LRRC69: variants seen among roughly 807,000 people sequenced by gnomAD.
The protein encoded by LRRC69 is leucine rich repeat containing 69, also known as leucine-rich repeat-containing protein 69.
Under a neutral mutation model 37.8 loss-of-function variants are expected in LRRC69, and 42 were observed. That is an observed-to-expected ratio of 1.11 (90% CI 0.87 to 1.44). LRRC69 has a LOEUF of 1.44. LRRC69 is among the 40% of genes most tolerant of loss of function. The pLI is 0.00. For synonymous variants in LRRC69, 141 were observed against 143.1 expected (o/e 0.99, Z 0.11); for missense variants, 357 against 401.9 (o/e 0.89, Z 0.96).
chr8:91,218,863 A>G, intron 7 of LRRC69, 27 bp from the exon 8 acceptor site: 1 of 1,435,000 alleles, frequency 7.0e-7, no homozygotes. Context: ...CACTGCCTAA[A>G]TTTTATTTTT....
At chr8:91,148,741 C>T (rs1808670772) in intron 5 of LRRC69, among the ~76,000 whole-genome samples, 1 of 151,978 alleles carries the variant, frequency 6.6e-6, no homozygotes, top group East Asian at 1.9e-4. Context: ...CTCTCCAGCA[C>T]CTGTTGTTTC....
At chr8:91,169,868 G>A (rs1461278563) in intron 5 of LRRC69, among the ~76,000 whole-genome samples, 4 of 130,778 alleles carry the variant, frequency 3.1e-5, no homozygotes, top group Admixed American at 7.6e-5. Context: ...CTTTTTTATG[G>A]CTGCATAGTA....
intron 5 of LRRC69, among the ~76,000 whole-genome samples, chr8:91,153,012 A>C (rs1586250183): frequency 6.6e-6 from 1 of 151,542 alleles, no homozygotes; most frequent in South Asian, 2.1e-4. Flanking sequence ...CATAGGCTCA[A>C]AATAAAGGGA....
At chr8:91,141,881 G>GA (rs1808538844) in intron 5 of LRRC69, among the ~76,000 whole-genome samples, 2 of 151,852 alleles carry the variant, frequency 1.3e-5, no homozygotes, top group African/African-American at 4.8e-5. Context: ...GATGGGGAAA[G>GA]AAAAAACATT....
chr8:91,131,739 C>G (rs893761339), intron 3 of LRRC69, among the ~76,000 whole-genome samples: 3 of 151,834 alleles, frequency 2.0e-5, no homozygotes, highest in Non-Finnish European at 4.4e-5. Flanking sequence ...GGCATTATTT[C>G]TACTAGTTTT....
At chr8:91,201,400 T>A (rs1809708988) in intron 7 of LRRC69, among the ~76,000 whole-genome samples, 1 of 152,252 alleles carries the variant, frequency 6.6e-6, no homozygotes, top group South Asian at 2.1e-4. Context: ...CTTTGTAGCA[T>A]GAATGCAGCT....
intron 6 of LRRC69, among the ~76,000 whole-genome samples, chr8:91,191,352 A>G (rs546861630): frequency 6.6e-6 from 1 of 152,048 alleles, no homozygotes; most frequent in Non-Finnish European, 1.5e-5. Context: ...TCCTTTCATC[A>G]ATCATTTCAG....
rs972760806 is a variant in LRRC69, at chr8:91,124,666, C to T, written c.310+47C>T. ...AACATTATAGCATCAAATTTAATCT[C>T]TCATATTTAATAATATGAGACTGAA... On this transcript the variant is annotated intron_variant, in intron 2 of 7. Transcript: ENST00000448384. 2.1e-6 allele frequency: 3 copies of T among 1,442,782 alleles called. No individual in the cohort carries two copies. In the African/African-American group the frequency reaches 4.4e-5, roughly 21 times the overall value. The allele number at this position is 1,442,782 out of a possible 1,614,324, so 89.4% of individuals were successfully genotyped here. A position where few individuals can be genotyped will look rare whatever the true frequency, so the allele number is the denominator to read the frequency against.
chr8:91,133,499 C>T (rs1007600339), intron 4 of LRRC69, 194 bp downstream of exon 4: 1 of 433,932 alleles, frequency 2.3e-6, no homozygotes, highest in South Asian at 7.1e-5. Context: ...GCTAGGGCTG[C>T]CAGATTTAGT....
intron 5 of LRRC69, among the ~76,000 whole-genome samples, chr8:91,142,821 T>G (rs1163024010): frequency 6.6e-6 from 1 of 152,030 alleles, no homozygotes; most frequent in Non-Finnish European, 1.5e-5. Flanking sequence ...TTGTCCCAGG[T>G]TGGGGCAGTC....
At chr8:91,150,059 A>G (rs1215998115) in intron 5 of LRRC69, among the ~76,000 whole-genome samples, 6 of 151,872 alleles carry the variant, frequency 4.0e-5, no homozygotes, top group Non-Finnish European at 5.9e-5. Flanking sequence ...CTCTTTTCCT[A>G]ATTGAATACC....
At chr8:91,218,774 A>C in intron 7 of LRRC69, 116 bp from the exon 8 acceptor site, 1 of 620,824 alleles carries the variant, frequency 1.6e-6, no homozygotes, top group Non-Finnish European at 2.7e-6. Context: ...GCATAAATAG[A>C]ATAGTGCGTC....
intron 7 of LRRC69, among the ~76,000 whole-genome samples, chr8:91,209,796 A>C (rs893249420): frequency 1.2e-4 from 19 of 152,220 alleles, no homozygotes; most frequent in African/African-American, 4.6e-4. Flanking sequence ...ATGTTAAGGG[A>C]ATGAGTAAGC....
chr8:91,153,952 AATAG>A (rs1326172393), intron 5 of LRRC69, among the ~76,000 whole-genome samples: 7 of 151,938 alleles, frequency 4.6e-5, no homozygotes, highest in Admixed American at 1.3e-4. Context: ...AAATTAATAA[AATAG>A]ATAGACTGCT....
intron 1 of LRRC69, among the ~76,000 whole-genome samples, chr8:91,115,890 GGAGATCCT>G (rs1042209721): frequency 3.3e-5 from 5 of 151,798 alleles, no homozygotes; most frequent in African/African-American, 1.2e-4. Flanking sequence ...CCCTGCACAT[GGAGATCCT>G]GCCAATCCCA....
At chr8:91,140,682 C>A (rs1350573123) in intron 5 of LRRC69, among the ~76,000 whole-genome samples, 3 of 10,048 alleles carry the variant, frequency 3.0e-4, no homozygotes, top group Admixed American at 1.7e-3. Context: ...GAGACGGAGT[C>A]TCGCTCTGTC....
intron 5 of LRRC69, among the ~76,000 whole-genome samples, chr8:91,169,670 C>CG: frequency 9.7e-6 from 1 of 102,930 alleles, no homozygotes; most frequent in Non-Finnish European, 1.9e-5. Flanking sequence ...ATCCCCTCCC[C>CG]CCCTACCCCC....
intron 7 of LRRC69, among the ~76,000 whole-genome samples, chr8:91,217,183 T>G (rs950158838): frequency 1.3e-5 from 2 of 152,146 alleles, no homozygotes; most frequent in African/African-American, 4.8e-5. Flanking sequence ...CTGTATATCT[T>G]TGTAGCCTGA....
At chr8:91,117,816 G>T (rs903145306) in intron 1 of LRRC69, among the ~76,000 whole-genome samples, 6 of 151,810 alleles carry the variant, frequency 4.0e-5, no homozygotes, top group Admixed American at 3.9e-4. Flanking sequence ...ACTAACATAT[G>T]TGCTATGAGA....
Sources: gnomAD v4.1 joint callset for allele counts (sites outside exome capture counted in the v4.1 genomes callset) on GRCh38, gnomAD v4.1.1 for gene constraint, MANE v1.5 for transcripts, NCBI Gene and HGNC (gene_info 2026-07-23, HGNC 2026-07-21) for gene names.